Variants in TSPAN18 observed in about 807,000 individuals in gnomAD.
The protein encoded by TSPAN18 is tetraspanin 18, also known as tetraspanin-18.
A neutral mutation model predicts 27.3 loss-of-function variants in TSPAN18; 14 were observed. The ratio of observed to expected loss-of-function variants is 0.51; its 90% CI spans 0.34 to 0.80. The LOEUF is 0.80. Ranked by LOEUF, TSPAN18 falls within the 30% of genes least tolerant of loss-of-function variation. TSPAN18 has a pLI of 0.01. For synonymous variants in TSPAN18, 143 were observed against 136.5 expected (o/e 1.05, Z -0.33); for missense variants, 268 against 323.9 (o/e 0.83, Z 1.32).
At chr11:44,840,513 G>A (rs1332860321) in intron 2 of TSPAN18, among the ~76,000 whole-genome samples, 1 of 152,236 alleles carries the variant, frequency 6.6e-6, no homozygotes, top group African/African-American at 2.4e-5. Flanking sequence ...AAGCAGTGAA[G>A]TAGCATCAGT....
chr11:44,786,674 C>T (rs1221391286), intron 2 of TSPAN18, among the ~76,000 whole-genome samples: 1 of 143,822 alleles, frequency 7.0e-6, no homozygotes, highest in Non-Finnish European at 1.5e-5. Context: ...CTCTGTTGCC[C>T]AGGCTGTAGT....
chr11:44,728,708 G>C (rs1398222220), intron 1 of TSPAN18, among the ~76,000 whole-genome samples: 5 of 152,158 alleles, frequency 3.3e-5, no homozygotes, highest in African/African-American at 1.2e-4. Flanking sequence ...CAGTTGTCTG[G>C]CCTCAGGGTC....
chr11:44,757,289 A>G (rs1010875058), intron 1 of TSPAN18, among the ~76,000 whole-genome samples: 1 of 152,030 alleles, frequency 6.6e-6, no homozygotes, highest in Non-Finnish European at 1.5e-5. Flanking sequence ...TTTTTATAGT[A>G]GCCATGCCAG....
At chr11:44,871,570 T>G in intron 3 of TSPAN18, among the ~76,000 whole-genome samples, 1 of 152,170 alleles carries the variant, frequency 6.6e-6, no homozygotes, top group East Asian at 1.9e-4. Flanking sequence ...GCTTACCACC[T>G]TACCTGGGAA....
intron 2 of TSPAN18, among the ~76,000 whole-genome samples, chr11:44,853,389 G>A (rs560018485): frequency 2.2e-4 from 34 of 152,290 alleles, no homozygotes; most frequent in Non-Finnish European, 7.4e-5. Context: ...GGAATTCGAA[G>A]GCCCATAAGT....
intron 2 of TSPAN18, among the ~76,000 whole-genome samples, chr11:44,784,792 C>T (rs1473910694): frequency 2.6e-5 from 4 of 152,148 alleles, no homozygotes; most frequent in African/African-American, 9.7e-5. Flanking sequence ...CTCCATTTTC[C>T]CAATTGGGAA....
At chr11:44,761,289 C>T (rs1590430072) in intron 1 of TSPAN18, among the ~76,000 whole-genome samples, 2 of 152,148 alleles carry the variant, frequency 1.3e-5, no homozygotes, top group Non-Finnish European at 2.9e-5. Flanking sequence ...CCACTTGCAC[C>T]CAGGACCCGT....
chr11:44,752,267 C>T (rs144072357), intron 1 of TSPAN18, among the ~76,000 whole-genome samples: 12 of 152,348 alleles, frequency 7.9e-5, no homozygotes, highest in Admixed American at 1.3e-4. Flanking sequence ...TTAACCGATA[C>T]AAGGAAAGTG....
At chr11:44,810,414 A>G (rs1227855051) in intron 2 of TSPAN18, among the ~76,000 whole-genome samples, 2 of 152,074 alleles carry the variant, frequency 1.3e-5, no homozygotes, top group Non-Finnish European at 2.9e-5. Flanking sequence ...GCTTCTTAGC[A>G]TGCTTTCATG....
chr11:44,885,491 G>A (rs762722073), intron 3 of TSPAN18, among the ~76,000 whole-genome samples: 12 of 152,016 alleles, frequency 7.9e-5, no homozygotes, highest in Non-Finnish European at 1.5e-5. Context: ...GCTGGTGACC[G>A]GTCCTCTGTG....
chr11:44,868,757 G>T (rs965992719), intron 3 of TSPAN18, among the ~76,000 whole-genome samples: 3 of 152,208 alleles, frequency 2.0e-5, no homozygotes, highest in African/African-American at 4.8e-5. Context: ...GAACCGGAGA[G>T]GGGGAAGGTG....
intron 2 of TSPAN18, among the ~76,000 whole-genome samples, chr11:44,820,419 A>G (rs1383796478): frequency 6.6e-6 from 1 of 152,164 alleles, no homozygotes; most frequent in Non-Finnish European, 1.5e-5. Flanking sequence ...ACAGGGTCAT[A>G]TGGTGCACTG....
chr11:44,817,272 A>G (rs1856835826), intron 2 of TSPAN18, among the ~76,000 whole-genome samples: 1 of 152,240 alleles, frequency 6.6e-6, no homozygotes, highest in Non-Finnish European at 1.5e-5. Context: ...TGGGATTTAT[A>G]TTGGTTATCA....
rs1860500671 is a variant in TSPAN18 at position 44,929,860 on chromosome 11, T to C, written c.*682T>C. ...AGGCGTGACAGTTCTGAAAAGAAGCTGAGTTGTCTCCAGGCTGCTGTCACT... is the reference window on the plus strand; with the variant it reads ...AGGCGTGACAGTTCTGAAAAGAAGCCGAGTTGTCTCCAGGCTGCTGTCACT... On this transcript the variant is annotated 3_prime_UTR_variant, in exon 10 of 10. Coordinates refer to ENST00000520358, the MANE Select transcript of TSPAN18 (RefSeq NM_130783.5). The C allele has an allele frequency of 6.6e-6, 1 of 152,418 alleles. No individual in the cohort carries two copies. The highest frequency in any genetic ancestry group is 6.5e-5 in the Admixed American group (1 of 15,284). 9.4% of individuals were successfully genotyped at this position (152,418 alleles called of 1,614,324 possible).
intron 3 of TSPAN18, among the ~76,000 whole-genome samples, chr11:44,862,961 C>T (rs1048130479): frequency 6.6e-6 from 1 of 152,134 alleles, no homozygotes; most frequent in African/African-American, 2.4e-5. Context: ...GTTAATAAAA[C>T]GAATCATACA....
At chr11:44,919,350 C>G in intron 7 of TSPAN18, 38 bp downstream of exon 7, 1 of 1,550,576 alleles carries the variant, frequency 6.4e-7, no homozygotes, top group East Asian at 2.2e-5. Context: ...ACATTCAGAG[C>G]CACGATGCCC....
At chr11:44,850,848 C>G (rs912574476) in intron 2 of TSPAN18, among the ~76,000 whole-genome samples, 1 of 152,160 alleles carries the variant, frequency 6.6e-6, no homozygotes, top group Non-Finnish European at 1.5e-5. Context: ...ACTCCCCTGG[C>G]TCAGGCTCCC....
chr11:44,916,418 C>T (rs1859910761), intron 5 of TSPAN18, among the ~76,000 whole-genome samples: 1 of 152,182 alleles, frequency 6.6e-6, no homozygotes, highest in African/African-American at 2.4e-5. Context: ...TCACCAGGAG[C>T]CGGGCCTCGG....
chr11:44,766,544 CA>C (rs1477360650), intron 2 of TSPAN18, among the ~76,000 whole-genome samples: 9 of 152,164 alleles, frequency 5.9e-5, no homozygotes, highest in African/African-American at 2.2e-4. Context: ...GTTTCTCCAT[CA>C]GGGGAAGTCG....
Sources: allele counts gnomAD v4.1 joint callset (sites outside exome capture counted in the v4.1 genomes callset), GRCh38; gene constraint gnomAD v4.1.1; transcripts MANE v1.5; gene names NCBI Gene and HGNC (gene_info 2026-07-23, HGNC 2026-07-21).